The following WWOX variants were observed in gnomAD, a reference collection of about 807,000 sequenced individuals.
WWOX encodes WW domain containing oxidoreductase, also known as WW domain-containing oxidoreductase.
Under a neutral mutation model 46.2 loss-of-function variants are expected in WWOX, and 69 were observed. That is an observed-to-expected ratio of 1.49 (90% CI 1.23 to 1.82). The LOEUF is 1.82. Among genes scored for constraint, WWOX ranks in the 40% most tolerant of loss-of-function variants. The probability of loss-of-function intolerance (pLI) is 0.00; values close to 1 mark genes in which losing one functional copy is unlikely to be tolerated. For missense variants in WWOX, 919 were observed against 542.6 expected (o/e 1.69, Z -6.89); for synonymous variants, 359 against 202.6 (o/e 1.77, Z -6.56).
At chr16:78,151,735 A>G (rs1215866393) in intron 4 of WWOX, among the ~76,000 whole-genome samples, 2 of 152,214 alleles carry the variant, frequency 1.3e-5, no homozygotes, top group Admixed American at 6.5e-5. Flanking sequence ...GCATGTATGC[A>G]TGTGTTAAAA....
chr16:79,127,065 A>T (rs536667118), intron 8 of WWOX, among the ~76,000 whole-genome samples: 1 of 152,168 alleles, frequency 6.6e-6, no homozygotes, highest in South Asian at 2.1e-4. Context: ...ACATATACAC[A>T]TAAAATATTT....
chr16:78,140,857 G>T (rs945074761), intron 4 of WWOX, among the ~76,000 whole-genome samples: 1 of 152,152 alleles, frequency 6.6e-6, no homozygotes, highest in African/African-American at 2.4e-5. Flanking sequence ...TGCTATAAAA[G>T]AGATGTTGCT....
chr16:78,832,345 T>C (rs946767239), intron 8 of WWOX, among the ~76,000 whole-genome samples: 2 of 152,194 alleles, frequency 1.3e-5, no homozygotes, highest in African/African-American at 2.4e-5. Flanking sequence ...GAGGAAGATG[T>C]GGCATGGCCT....
intron 5 of WWOX, among the ~76,000 whole-genome samples, chr16:78,372,365 C>T (rs552472769): frequency 6.6e-6 from 1 of 152,130 alleles, no homozygotes; most frequent in African/African-American, 2.4e-5. Context: ...GCCGTCTACC[C>T]CCCTGCTGCT....
chr16:78,439,933 C>G (rs2083409345), intron 8 of WWOX, among the ~76,000 whole-genome samples: 1 of 152,174 alleles, frequency 6.6e-6, no homozygotes, highest in Non-Finnish European at 1.5e-5. Context: ...ATGCCTTTTT[C>G]CTTTATCAAG....
At chr16:78,310,992 C>T (rs188891512) in intron 5 of WWOX, among the ~76,000 whole-genome samples, 3 of 152,270 alleles carry the variant, frequency 2.0e-5, no homozygotes, top group East Asian at 3.9e-4. Context: ...CAGCTGCCTG[C>T]GTGGCTTAGA....
chr16:78,665,146 G>T lies in WWOX; in HGVS notation c.1056+232394G>T, dbSNP rs180699393. Among the ~76,000 whole-genome samples the T allele has an allele frequency of 1.4e-3, 210 of 152,264 alleles. 1 individual carries two copies. Among genetic ancestry groups the T allele is most frequent in the Non-Finnish European group, 1.9e-3 (130 of 68,014 alleles). ...AGCCCGGGGCTTTGTGGAATTTTCT[G>T]TGGTGGTCCGGGTTCCTGGAGTAGG... On this transcript the variant is annotated intron_variant, in intron 8 of 8. Coordinates refer to ENST00000566780, the MANE Select transcript of WWOX (RefSeq NM_016373.4).
At chr16:79,178,668 C>T (rs1486266444) in intron 8 of WWOX, among the ~76,000 whole-genome samples, 1 of 152,104 alleles carries the variant, frequency 6.6e-6, no homozygotes, top group African/African-American at 2.4e-5. Flanking sequence ...TTCGAAGAAT[C>T]CGTAGTCCAT....
intron 8 of WWOX, among the ~76,000 whole-genome samples, chr16:78,568,877 C>T (rs2044643379): frequency 1.3e-5 from 2 of 152,296 alleles, no homozygotes; most frequent in South Asian, 2.1e-4. Flanking sequence ...ACACGTTTTA[C>T]GGGCTATCAG....
intron 8 of WWOX, among the ~76,000 whole-genome samples, chr16:78,559,696 C>T (rs186546977): frequency 1.9e-3 from 287 of 152,260 alleles, no homozygotes; most frequent in African/African-American, 6.4e-3. Context: ...TAATCCTCCT[C>T]CTCAAGGGAA....
chr16:78,442,995 G>T (rs1284711203), intron 8 of WWOX, among the ~76,000 whole-genome samples: 1 of 151,870 alleles, frequency 6.6e-6, no homozygotes, highest in Non-Finnish European at 1.5e-5. Context: ...TGGTGGTGGG[G>T]CGCGGTCGTG....
chr16:78,468,985 G>A (rs2084154480), intron 8 of WWOX, among the ~76,000 whole-genome samples: 1 of 152,204 alleles, frequency 6.6e-6, no homozygotes, highest in Admixed American at 6.5e-5. Flanking sequence ...AGTTCTGAAT[G>A]ACTTGACTTA....
chr16:78,589,460 G>A (rs1597313804), intron 8 of WWOX, among the ~76,000 whole-genome samples: 1 of 152,138 alleles, frequency 6.6e-6, no homozygotes, highest in Non-Finnish European at 1.5e-5. Context: ...TTATGTGGCT[G>A]GCAGTTCTGT....
At chr16:78,200,597 A>T (rs553009947) in intron 5 of WWOX, among the ~76,000 whole-genome samples, 20 of 147,098 alleles carry the variant, frequency 1.4e-4, no homozygotes, top group African/African-American at 4.5e-4. Flanking sequence ...TTTTTTTTTT[A>T]AATCAGTTAA....
intron 8 of WWOX, among the ~76,000 whole-genome samples, chr16:78,443,610 C>T (rs565635860): frequency 6.6e-6 from 1 of 152,172 alleles, no homozygotes; most frequent in South Asian, 2.1e-4. Flanking sequence ...GAATGAGCAC[C>T]CGAGAAGGGG....
intron 8 of WWOX, among the ~76,000 whole-genome samples, chr16:78,799,254 C>T (rs995614520): frequency 6.6e-6 from 1 of 152,130 alleles, no homozygotes; most frequent in Admixed American, 6.5e-5. Context: ...GTCTTGCCGT[C>T]TCTTTAACGG....
At chr16:78,113,950 TA>T (rs1328580975) in intron 3 of WWOX, among the ~76,000 whole-genome samples, 2 of 149,662 alleles carry the variant, frequency 1.3e-5, no homozygotes, top group African/African-American at 4.9e-5. Flanking sequence ...ACTTTTAAAA[TA>T]TGAAATTTCA....
intron 8 of WWOX, among the ~76,000 whole-genome samples, chr16:78,802,523 A>T (rs932359730): frequency 2.0e-5 from 3 of 152,180 alleles, no homozygotes; most frequent in African/African-American, 7.2e-5. Context: ...AGTTGAGGAC[A>T]AAGACCAACC....
At chr16:78,284,052 A>T (rs1169736023) in intron 5 of WWOX, among the ~76,000 whole-genome samples, 2 of 152,172 alleles carry the variant, frequency 1.3e-5, no homozygotes, top group Non-Finnish European at 2.9e-5. Context: ...TCGTTAAAAC[A>T]TTTTGTTAGC....
Sources: gnomAD v4.1 joint callset for allele counts (sites outside exome capture counted in the v4.1 genomes callset) on GRCh38, gnomAD v4.1.1 for gene constraint, MANE v1.5 for transcripts, NCBI Gene and HGNC (gene_info 2026-07-23, HGNC 2026-07-21) for gene names.